NCKAP5: variants seen among roughly 807,000 people sequenced by gnomAD.
NCKAP5 encodes nck-associated protein 5.
In NCKAP5, 92 loss-of-function variants were observed where a neutral mutation model predicts 167.0. The observed-to-expected ratio is 0.55, with a 90% CI of 0.47 to 0.66. The LOEUF (loss-of-function observed/expected upper bound fraction) is 0.66. NCKAP5 is among the 30% of genes least tolerant of loss of function. The pLI, the probability that NCKAP5 is intolerant of heterozygous loss-of-function variation, is 0.00. For synonymous variants in NCKAP5, 891 were observed against 877.4 expected, an observed-to-expected ratio of 1.02 and a Z score of -0.27; for missense variants, 2,378 against 2,315.0, an observed-to-expected ratio of 1.03 and a Z score of -0.56.
intron 3 of NCKAP5, among the ~76,000 whole-genome samples, chr2:133,442,954 A>G (rs1458460830): frequency 6.6e-6 from 1 of 152,244 alleles, no homozygotes; most frequent in African/African-American, 2.4e-5. Context: ...GATTTCTAGT[A>G]AGATAAACAG....
intron 6 of NCKAP5, among the ~76,000 whole-genome samples, chr2:133,098,826 C>T (rs1227703090): frequency 6.6e-6 from 1 of 152,156 alleles, no homozygotes; most frequent in African/African-American, 2.4e-5. Context: ...TAGAGAAGTA[C>T]ATGCTTAATT....
intron 3 of NCKAP5, among the ~76,000 whole-genome samples, chr2:133,424,672 C>T (rs187009569): frequency 6.6e-6 from 1 of 152,272 alleles, no homozygotes; most frequent in East Asian, 1.9e-4. Context: ...CCTTGCTACT[C>T]ATGGTGTGGT....
At chr2:133,515,251 C>T (rs759835532) in intron 3 of NCKAP5, among the ~76,000 whole-genome samples, 18 of 152,296 alleles carry the variant, frequency 1.2e-4, no homozygotes, top group Middle Eastern at 6.8e-3. Flanking sequence ...TGCTATTCTC[C>T]CAGAAGTAGC....
the NCKAP5 span, among the ~76,000 whole-genome samples, chr2:133,611,619 A>G: frequency 6.6e-6 from 1 of 152,162 alleles, no homozygotes; most frequent in East Asian, 1.9e-4. Context: ...TCATGAAATG[A>G]CATGATGTCT....
chr2:133,021,822 G>A (rs2078539471), intron 6 of NCKAP5, among the ~76,000 whole-genome samples: 1 of 152,100 alleles, frequency 6.6e-6, no homozygotes, highest in South Asian at 2.1e-4. Flanking sequence ...GTAGAGACGA[G>A]GTTTTGCCAC....
chr2:132,804,061 A>AAAAC (rs3043673), intron 11 of NCKAP5, among the ~76,000 whole-genome samples: 2,942 of 151,990 alleles, frequency 0.019, 36 homozygotes, highest in Non-Finnish European at 0.025. Context: ...AAGTCTTTAC[A>AAAAC]AAACAAACAA....
At chr2:133,450,139 G>A (rs550636293) in intron 3 of NCKAP5, among the ~76,000 whole-genome samples, 77 of 143,740 alleles carry the variant, frequency 5.4e-4, no homozygotes, top group South Asian at 2.1e-3. Context: ...ACACACGCGC[G>A]TGCGTGCGTG....
intron 8 of NCKAP5, among the ~76,000 whole-genome samples, chr2:132,945,482 G>A (rs564809143): frequency 7.2e-5 from 11 of 152,146 alleles, no homozygotes; most frequent in South Asian, 2.1e-4. Flanking sequence ...AGCTGGATGC[G>A]TGATAAGACA....
rs1310524686 is a variant in NCKAP5 at position 133,498,480 on chromosome 2, A to AAGGAAGGAAGGAAGGAAGGC, written c.69+18977_69+18978insGCCTTCCTTCCTTCCTTCCT. Among the ~76,000 whole-genome samples the AAGGAAGGAAGGAAGGAAGGC allele has an allele frequency of 7.2e-4, 73 of 101,790 alleles. 1 individual carries two copies. The highest frequency in any genetic ancestry group is 5.7e-3 in the South Asian group (16 of 2,826). 66.8% of individuals were successfully genotyped at this position (101,790 alleles called of 152,430 possible). ...GAAGGAAGGAAGGAAGGAAGGAAGG[A>AAGGAAGGAAGGAAGGAAGGC]AGGCAGGCAGGCAGGCAGGCAGGCA... On this transcript the variant is annotated intron_variant, in intron 3 of 19. Coordinates refer to ENST00000409261, the MANE Select transcript of NCKAP5 (RefSeq NM_207363.3).
chr2:133,613,702 G>C, the NCKAP5 span, among the ~76,000 whole-genome samples: 1 of 152,138 alleles, frequency 6.6e-6, no homozygotes, highest in Non-Finnish European at 1.5e-5. Context: ...CCCACATGCG[G>C]ACTGGTTCTA....
intron 6 of NCKAP5, among the ~76,000 whole-genome samples, chr2:133,057,549 T>G (rs1437182302): frequency 6.6e-6 from 1 of 152,212 alleles, no homozygotes; most frequent in East Asian, 1.9e-4. Context: ...GCAGCTACAA[T>G]ATCCCCTTAA....
chr2:133,489,599 T>C (rs568856801), intron 3 of NCKAP5, among the ~76,000 whole-genome samples: 2 of 152,354 alleles, frequency 1.3e-5, no homozygotes, highest in East Asian at 1.9e-4. Context: ...CAATCTTCCA[T>C]TGAACCCCTT....
chr2:133,670,910 AC>A, the NCKAP5 span, among the ~76,000 whole-genome samples: 1 of 152,092 alleles, frequency 6.6e-6, no homozygotes, highest in Admixed American at 6.6e-5. Flanking sequence ...CTCTAGCTTC[AC>A]TTGTTTCAAG....
chr2:132,903,244 G>A (rs895484667), intron 8 of NCKAP5, among the ~76,000 whole-genome samples: 1 of 152,150 alleles, frequency 6.6e-6, no homozygotes, highest in Admixed American at 6.5e-5. Context: ...CAGTTCCTCA[G>A]TCCCACCAGA....
the NCKAP5 span, among the ~76,000 whole-genome samples, chr2:133,586,287 T>C: frequency 6.6e-6 from 1 of 152,138 alleles, no homozygotes; most frequent in Admixed American, 6.5e-5. Context: ...GGCCCAATAA[T>C]GTCCACCCTG....
intron 16 of NCKAP5, among the ~76,000 whole-genome samples, chr2:132,755,830 C>CAAAA (rs113836542): frequency 2.9e-5 from 4 of 137,726 alleles, no homozygotes; most frequent in African/African-American, 1.1e-4. Context: ...GATTCTGTCT[C>CAAAA]AGAAAAAAAA....
intron 4 of NCKAP5, among the ~76,000 whole-genome samples, chr2:133,228,080 G>A (rs951440350): frequency 1.3e-5 from 2 of 152,094 alleles, no homozygotes; most frequent in African/African-American, 4.8e-5. Flanking sequence ...ATCCTGATTG[G>A]CATAGCATAG....
chr2:133,127,331 T>C (rs540612531), intron 6 of NCKAP5, among the ~76,000 whole-genome samples: 2 of 152,348 alleles, frequency 1.3e-5, no homozygotes, highest in East Asian at 1.9e-4. Flanking sequence ...CTGTTACATA[T>C]GCTTTTCCCC....
At chr2:132,750,736 A>G (rs16840649) in intron 16 of NCKAP5, among the ~76,000 whole-genome samples, 7,248 of 152,276 alleles carry the variant, frequency 0.048, 433 homozygotes, top group East Asian at 0.16. Context: ...AGTGAGTACC[A>G]TTGCTGAAGG....
Sources: allele counts gnomAD v4.1 joint callset (sites outside exome capture counted in the v4.1 genomes callset), GRCh38; gene constraint gnomAD v4.1.1; transcripts MANE v1.5; gene names NCBI Gene and HGNC (gene_info 2026-07-23, HGNC 2026-07-21).